The following C1QTNF7 variants were observed in gnomAD, a reference collection of about 807,000 sequenced individuals.
C1QTNF7 encodes C1q and TNF related 7.
In C1QTNF7, 15 loss-of-function variants were observed where a neutral mutation model predicts 19.6. That is an observed-to-expected ratio of 0.76 (90% CI 0.51 to 1.18). The LOEUF (loss-of-function observed/expected upper bound fraction) is 1.18. C1QTNF7 is among the 50% of genes most tolerant of loss of function. The probability of loss-of-function intolerance (pLI) is 0.00; values close to 1 mark genes in which losing one functional copy is unlikely to be tolerated. For missense variants in C1QTNF7, 324 were observed against 359.7 expected, an observed-to-expected ratio of 0.90 and a Z score of 0.80; for synonymous variants, 142 against 137.5, an observed-to-expected ratio of 1.03 and a Z score of -0.23.
chr4:15,358,746 G>A (rs940639650), intron 1 of C1QTNF7: 1 of 152,128 alleles, frequency 6.6e-6, no homozygotes, highest in Admixed American at 6.6e-5. Flanking sequence ...ACATTTTAAC[G>A]ACTCATCACA....
At chr4:15,376,350 G>A (rs1404833651) in intron 1 of C1QTNF7, among the ~76,000 whole-genome samples, 1 of 152,162 alleles carries the variant, frequency 6.6e-6, no homozygotes, top group Non-Finnish European at 1.5e-5. Context: ...TCGTGTGCTG[G>A]GCCCTTCCTA....
chr4:15,400,747 C>T (rs1718956829), intron 1 of C1QTNF7, among the ~76,000 whole-genome samples: 1 of 152,170 alleles, frequency 6.6e-6, no homozygotes, highest in Admixed American at 6.5e-5. Context: ...CAACAAATCC[C>T]AAATCTCAGT....
intron 1 of C1QTNF7, among the ~76,000 whole-genome samples, chr4:15,413,887 C>T (rs1416821753): frequency 2.0e-5 from 3 of 152,188 alleles, no homozygotes; most frequent in Non-Finnish European, 4.4e-5. Context: ...TCCTCTCAAA[C>T]ACAAATGTAA....
chr4:15,370,828 T>C (rs1393238636), intron 1 of C1QTNF7, among the ~76,000 whole-genome samples: 2 of 152,328 alleles, frequency 1.3e-5, no homozygotes, highest in African/African-American at 2.4e-5. Context: ...TACTCTCTCA[T>C]TGGCCCTCCA....
At chr4:15,366,051 T>C (rs1717507261) in intron 1 of C1QTNF7, among the ~76,000 whole-genome samples, 1 of 152,146 alleles carries the variant, frequency 6.6e-6, no homozygotes, top group Non-Finnish European at 1.5e-5. Flanking sequence ...GTGTACACAA[T>C]GTAACACAGA....
chr4:15,432,811 C>T (rs955465639), intron 1 of C1QTNF7, among the ~76,000 whole-genome samples: 13 of 152,190 alleles, frequency 8.5e-5, no homozygotes, highest in East Asian at 1.9e-4. Flanking sequence ...AGTATTCTTC[C>T]GCACTTGTCA....
At chr4:15,432,677 G>T (rs1288467659) in intron 1 of C1QTNF7, among the ~76,000 whole-genome samples, 1 of 152,180 alleles carries the variant, frequency 6.6e-6, no homozygotes, top group Non-Finnish European at 1.5e-5. Context: ...ATACAGGCGT[G>T]AGCCATCGTG....
chr4:15,397,894 A>G (rs751455622), intron 1 of C1QTNF7, among the ~76,000 whole-genome samples: 1 of 152,180 alleles, frequency 6.6e-6, no homozygotes, highest in Non-Finnish European at 1.5e-5. Flanking sequence ...TCTACTTCCA[A>G]GAATCCCCAA....
rs1472791892 is a variant in C1QTNF7, at chr4:15,428,120, T to TC, written c.-9+15dup. The TC allele has an allele frequency of 2.0e-6, 2 of 982,880 alleles. No homozygotes were observed. The highest frequency in any genetic ancestry group is 2.4e-6 in the Non-Finnish European group (2 of 827,722). The allele number at this position is 982,880 out of a possible 1,614,324, so 60.9% of individuals were successfully genotyped here. On this transcript the variant is annotated intron_variant, in intron 1 of 2. Coordinates refer to ENST00000444304, the MANE Select transcript of C1QTNF7 (RefSeq NM_031911.5). ...TCTAAGAGCAAGGTATGGTGTTTAC[T>TC]CTTTTTTTTAGAATTTTGGCAAATG...
In C1QTNF7 at chr4:15,442,532, G is replaced by A. The variant is rs1284437444; in HGVS notation, c.603G>A (p.Leu201=). 1.2e-6 allele frequency: 2 copies of A among 1,614,154 alleles called. No homozygotes were observed. The highest frequency in any genetic ancestry group is 1.7e-6 in the Non-Finnish European group (2 of 1,180,030). The stretch of plus-strand genomic sequence containing the variant: ...ATTACTTTTCTTATGATATCACATT[G>A]GCTAATAAGCATCTGGCAATCGGAC... ...GIYYFSYDIT[L]ANKHLAIGLV... The change falls in exon 3 of 3, where the codon TTG becomes TTA. Residue 201 remains leucine (L), a synonymous_variant. Coordinates refer to ENST00000444304, the MANE Select transcript of C1QTNF7 (RefSeq NM_031911.5).
chr4:15,429,300 T>C (rs1318318145), intron 1 of C1QTNF7, among the ~76,000 whole-genome samples: 1 of 152,218 alleles, frequency 6.6e-6, no homozygotes, highest in Non-Finnish European at 1.5e-5. Flanking sequence ...ATACATTCAT[T>C]TTGTTATGCA....
chr4:15,413,021 T>C (rs1017401256), intron 1 of C1QTNF7, among the ~76,000 whole-genome samples: 2 of 152,204 alleles, frequency 1.3e-5, no homozygotes, highest in Non-Finnish European at 2.9e-5. Context: ...AGATCCGTTA[T>C]AGAATTCTCT....
intron 1 of C1QTNF7, among the ~76,000 whole-genome samples, chr4:15,406,163 A>G (rs1379469284): frequency 1.3e-5 from 2 of 151,874 alleles, no homozygotes; most frequent in East Asian, 1.9e-4. Flanking sequence ...TCTGCCTTCT[A>G]CTCTACAACA....
chr4:15,378,910 G>A lies in C1QTNF7; in HGVS notation c.13+38703G>A, dbSNP rs1234515474. 2.0e-5 allele frequency among the ~76,000 whole-genome samples: 3 copies of A among 152,340 alleles called. No homozygotes were observed. In the South Asian group the frequency reaches 6.2e-4, roughly 32 times the overall value. ...ATCACCATTCAGAGAACTTGCACCA[G>A]AGAAGTAAACTTTGTCTTTCAATTA... On this transcript the variant is annotated intron_variant, in intron 1 of 2. Transcript: ENST00000295297.
At chr4:15,374,821 T>A in intron 1 of C1QTNF7, 1 of 933,622 alleles carries the variant, frequency 1.1e-6, no homozygotes, top group African/African-American at 1.8e-5. Context: ...CTTTTTTTCC[T>A]TAGAAAGGCG....
intron 1 of C1QTNF7, among the ~76,000 whole-genome samples, chr4:15,364,534 T>G (rs914445028): frequency 1.3e-5 from 2 of 152,214 alleles, no homozygotes; most frequent in Non-Finnish European, 2.9e-5. Context: ...GCTCAGCAGA[T>G]AATGCCAAAA....
rs557515879 is a variant in C1QTNF7, at chr4:15,388,286, G to A, written c.14-47450G>A. ...TCATTGATATGCAACATTAATTAAGGACTATTTTGAGGTGAACCATCATAT... is the reference window on the plus strand; with the variant it reads ...TCATTGATATGCAACATTAATTAAGAACTATTTTGAGGTGAACCATCATAT... On this transcript the variant is annotated intron_variant, in intron 1 of 2. Coordinates refer to the C1QTNF7 transcript ENST00000295297. Among the ~76,000 whole-genome samples the A allele has an allele frequency of 2.6e-5, 4 of 152,250 alleles. No individual in the cohort carries two copies. The South Asian group carries it at 8.3e-4, about 32-fold the overall frequency.
At chr4:15,414,761 T>C (rs1327017350) in intron 1 of C1QTNF7, among the ~76,000 whole-genome samples, 1 of 152,164 alleles carries the variant, frequency 6.6e-6, no homozygotes, top group Non-Finnish European at 1.5e-5. Context: ...ATAGCATCAG[T>C]CACTCTGATT....
At position 15,357,921 on chromosome 4, in the gene C1QTNF7, T is replaced by C. The variant is rs1717203250; in HGVS notation, c.13+17714T>C. On this transcript the variant is annotated intron_variant, in intron 1 of 2. Transcript: ENST00000295297. Reference sequence around the variant, plus strand: ...GGTATATAGGAATGCATGTAATTTTTGCACATTGATTTTGCATCCTGAGAC... The same window carrying C: ...GGTATATAGGAATGCATGTAATTTTCGCACATTGATTTTGCATCCTGAGAC... Among the ~76,000 whole-genome samples, 8 of 152,360 alleles carry C rather than the reference T, an allele frequency of 5.3e-5. No individual in the cohort carries two copies. The South Asian group carries it at 1.7e-3, about 32-fold the overall frequency.
Sources: gnomAD v4.1 joint callset for allele counts (sites outside exome capture counted in the v4.1 genomes callset) on GRCh38, gnomAD v4.1.1 for gene constraint, MANE v1.5 for transcripts, NCBI Gene and HGNC (gene_info 2026-07-23, HGNC 2026-07-21) for gene names.